EMILIN2: variants seen among roughly 807,000 people sequenced by gnomAD.
EMILIN2 encodes elastin microfibril interfacer 2.
EMILIN2 carries 71 observed loss-of-function variants against 87.1 expected under a neutral mutation model. That is an observed-to-expected ratio of 0.82 (90% CI 0.67 to 0.99). The LOEUF (loss-of-function observed/expected upper bound fraction) is 0.99, where lower values mean the gene tolerates loss of function less well. Among genes scored for constraint, EMILIN2 ranks in the 50% least tolerant of loss-of-function variants. EMILIN2 has a pLI of 0.00. For missense variants in EMILIN2, 1,407 were observed against 1,371.8 expected (o/e 1.03, Z -0.40); for synonymous variants, 581 against 563.4 (o/e 1.03, Z -0.44).
chr18:2,909,552 A>C, intron 6 of EMILIN2, 139 bp from the exon 7 acceptor site: 1 of 1,045,860 alleles, frequency 9.6e-7, no homozygotes, highest in East Asian at 2.5e-5. Context: ...GTTGGGCATG[A>C]GGAGTTTGCT....
intron 4 of EMILIN2, among the ~76,000 whole-genome samples, chr18:2,901,787 G>C (rs1277325349): frequency 6.6e-6 from 1 of 152,258 alleles, no homozygotes; most frequent in Non-Finnish European, 1.5e-5. Context: ...GCCTTTGTTA[G>C]GACTTGGTCA....
At chr18:2,876,651 A>G (rs916019231) in intron 2 of EMILIN2, among the ~76,000 whole-genome samples, 1 of 148,672 alleles carries the variant, frequency 6.7e-6, no homozygotes, top group Non-Finnish European at 1.5e-5. Flanking sequence ...CTGTAGTCCC[A>G]GCTACTCGGG....
chr18:2,898,386 C>T (rs2076873334), intron 4 of EMILIN2, among the ~76,000 whole-genome samples: 1 of 152,222 alleles, frequency 6.6e-6, no homozygotes, highest in South Asian at 2.1e-4. Flanking sequence ...TCCCCTGGCC[C>T]CACACACAGG....
At position 2,913,064 on chromosome 18, in the gene EMILIN2, C is replaced by T; in HGVS notation, c.2825-3C>T. The T allele has an allele frequency of 6.2e-7, 1 of 1,607,742 alleles. No individual in the cohort carries two copies. The highest frequency in any genetic ancestry group is 8.5e-7 in the Non-Finnish European group (1 of 1,179,918). ...AGCACAGGGTTTGCCTTTCTCCCCG[C>T]AGGGGTCTTCACGGCTCCTTATGAT... On this transcript the variant is annotated splice_polypyrimidine_tract_variant and splice_region_variant and intron_variant, in intron 7 of 7. Coordinates refer to ENST00000254528, the MANE Select transcript of EMILIN2 (RefSeq NM_032048.3).
At chr18:2,898,078 C>T (rs927685863) in intron 4 of EMILIN2, among the ~76,000 whole-genome samples, 10 of 152,136 alleles carry the variant, frequency 6.6e-5, no homozygotes, top group Admixed American at 2.0e-4. Context: ...TTCACAGGTG[C>T]GGGGAGCATC....
intron 2 of EMILIN2, among the ~76,000 whole-genome samples, chr18:2,861,732 A>C (rs1598486681): frequency 6.6e-6 from 1 of 152,268 alleles, no homozygotes; most frequent in South Asian, 2.1e-4. Flanking sequence ...TTTTGGTTCC[A>C]TATGAACTTT....
intron 2 of EMILIN2, among the ~76,000 whole-genome samples, chr18:2,862,431 C>T (rs975499420): frequency 3.9e-5 from 6 of 152,144 alleles, no homozygotes; most frequent in African/African-American, 1.4e-4. Flanking sequence ...TCATTGAGAG[C>T]TTTTAGCATG....
At chr18:2,866,379 C>G (rs544799128) in intron 2 of EMILIN2, among the ~76,000 whole-genome samples, 1 of 152,162 alleles carries the variant, frequency 6.6e-6, no homozygotes, top group East Asian at 1.9e-4. Context: ...TGTAGTTTTC[C>G]TTGTGGAGGT....
At chr18:2,906,594 G>A (rs2076913519) in intron 4 of EMILIN2, 189 bp from the exon 5 acceptor site, 1 of 418,928 alleles carries the variant, frequency 2.4e-6, no homozygotes, top group Non-Finnish European at 4.0e-6. Flanking sequence ...GCGGCGTCCG[G>A]GTGGCCCGCG....
At chr18:2,910,809 CTG>C (rs1190432706) in intron 7 of EMILIN2, among the ~76,000 whole-genome samples, 1 of 152,214 alleles carries the variant, frequency 6.6e-6, no homozygotes, top group Non-Finnish European at 1.5e-5. Flanking sequence ...TGGCTCTTAA[CTG>C]TTATGTTAGC....
chr18:2,907,015 G>T lies in EMILIN2; in HGVS notation c.2592G>T (p.Leu864=). ...PAGAGVSGRG[L]PRGVDGQTGS... is the part of the protein sequence containing the mutation. ...GCGCAGGCGTGTCTGGGCGGGGTCT[G>T]CCGCGGGGCGTGGACGGCCAGACCG... The change falls in exon 5 of 8, where the codon CTG becomes CTT. Residue 864 remains leucine (L), a synonymous_variant. Coordinates refer to ENST00000254528, the MANE Select transcript of EMILIN2 (RefSeq NM_032048.3). 1 of 1,323,494 alleles carries T rather than the reference G, an allele frequency of 7.6e-7. No individual in the cohort carries two copies. The highest frequency in any genetic ancestry group is 3.7e-5 in the Admixed American group (1 of 27,134). The allele number at this position is 1,323,494 out of a possible 1,614,324, so 82.0% of individuals were successfully genotyped here.
intron 7 of EMILIN2, among the ~76,000 whole-genome samples, chr18:2,912,495 C>T (rs935153898): frequency 2.6e-5 from 4 of 152,214 alleles, no homozygotes; most frequent in African/African-American, 4.8e-5. Flanking sequence ...TGTGGGGCCA[C>T]CTACAGCTGC....
rs1055654912 is a variant in EMILIN2, at chr18:2,897,791, G to A, written c.2359+5305G>A. Among the ~76,000 whole-genome samples, 4 of 151,558 alleles carry A rather than the reference G, an allele frequency of 2.6e-5. No individual in the cohort carries two copies. In the South Asian group the frequency reaches 8.3e-4, roughly 32 times the overall value. On this transcript the variant is annotated intron_variant, in intron 4 of 7. Coordinates refer to ENST00000254528, the MANE Select transcript of EMILIN2 (RefSeq NM_032048.3). ...GCAGGAGGACCCCTTGAGCCCAGGA[G>A]TCTGAGGCTGCAGTGAGCTATGATC...
rs762400510 is a variant in EMILIN2, at chr18:2,847,805, C to G, written c.135-4C>G. 1 of 1,612,858 alleles carries G rather than the reference C, an allele frequency of 6.2e-7. No homozygotes were observed. On this transcript the variant is annotated splice_region_variant and splice_polypyrimidine_tract_variant and intron_variant, in intron 1 of 7. Coordinates refer to ENST00000254528, the MANE Select transcript of EMILIN2 (RefSeq NM_032048.3). The surrounding 1 kb of genome is among the most constrained non-coding windows in gnomAD (Gnocchi z 4.5). ...CCCCTCTCCCTCTCTCTCCTGCACCCCAGGAACTGGTGCGCCTACATCGTG... is the reference window on the plus strand; with the variant it reads ...CCCCTCTCCCTCTCTCTCCTGCACCGCAGGAACTGGTGCGCCTACATCGTG...
chr18:2,847,066 C>G lies in EMILIN2; in HGVS notation c.-123C>G, dbSNP rs1254415915. ...GGCCGCGGAGCACTGGTTGGAGCGCCGCGAAGCGCCCGAGCCTCTTGCCTT... is the reference window on the plus strand; with the variant it reads ...GGCCGCGGAGCACTGGTTGGAGCGCGGCGAAGCGCCCGAGCCTCTTGCCTT... On this transcript the variant is annotated 5_prime_UTR_variant, in exon 1 of 8. Transcript: ENST00000254528. This position sits in a 1 kb window ranked among gnomAD's most constrained non-coding sequence, Gnocchi z 4.5. 2.8e-6 allele frequency: 3 copies of G among 1,078,924 alleles called. No individual in the cohort carries two copies. Among genetic ancestry groups the G allele is most frequent in the Non-Finnish European group, 1.1e-6 (1 of 882,588 alleles). 66.8% of individuals were successfully genotyped at this position (1,078,924 alleles called of 1,614,324 possible).
At chr18:2,874,861 T>C (rs1383180676) in intron 2 of EMILIN2, among the ~76,000 whole-genome samples, 1 of 152,246 alleles carries the variant, frequency 6.6e-6, no homozygotes, top group African/African-American at 2.4e-5. Context: ...TTTTCGATGC[T>C]TCTGAGTGAC....
intron 2 of EMILIN2, among the ~76,000 whole-genome samples, chr18:2,874,784 G>A (rs1011322175): frequency 6.6e-5 from 10 of 152,108 alleles, no homozygotes; most frequent in Admixed American, 2.0e-4. Context: ...TTTTAAAAAC[G>A]AGAAGAAATT....
At position 2,913,412 on chromosome 18, in the gene EMILIN2, G is replaced by A. The variant is rs780411691; in HGVS notation, c.*8G>A. ...TTCCTTTCCCACCTCTAAGGTGGCTGGGGAGATGTCAGGGGAAAGATAGAT... is the reference window on the plus strand; with the variant it reads ...TTCCTTTCCCACCTCTAAGGTGGCTAGGGAGATGTCAGGGGAAAGATAGAT... On this transcript the variant is annotated 3_prime_UTR_variant, in exon 8 of 8. Coordinates refer to ENST00000254528, the MANE Select transcript of EMILIN2 (RefSeq NM_032048.3). 1 of 1,555,452 alleles carries A rather than the reference G, an allele frequency of 6.4e-7. No individual in the cohort carries two copies.
intron 2 of EMILIN2, among the ~76,000 whole-genome samples, 164 bp from the exon 3 acceptor site, chr18:2,884,800 A>G (rs912269380): frequency 1.3e-5 from 2 of 151,500 alleles, no homozygotes; most frequent in Admixed American, 1.3e-4. Context: ...GTTAGGCTGA[A>G]CCCCCCAGTC....
Sources: allele counts gnomAD v4.1 joint callset (sites outside exome capture counted in the v4.1 genomes callset), GRCh38; gene constraint gnomAD v4.1.1; non-coding constraint Gnocchi (gnomAD v3.1); transcripts MANE v1.5; gene names NCBI Gene and HGNC (gene_info 2026-07-23, HGNC 2026-07-21).